Variants in WDFY2 observed in about 807,000 individuals in gnomAD.
WDFY2 encodes WD repeat and FYVE domain-containing protein 2.
In WDFY2, 36 loss-of-function variants were observed where a neutral mutation model predicts 56.4. That is an observed-to-expected ratio of 0.64 (90% CI 0.49 to 0.84). The LOEUF is 0.84. Ranked by LOEUF, WDFY2 falls within the 40% of genes least tolerant of loss-of-function variation. The pLI is 0.00. For synonymous variants in WDFY2, 176 were observed against 183.7 expected (o/e 0.96, Z 0.34); for missense variants, 444 against 512.2 (o/e 0.87, Z 1.29).
chr13:51,692,363 G>T lies in WDFY2; in HGVS notation c.280-11233G>T, dbSNP rs974403570. On this transcript the variant is annotated intron_variant, in intron 3 of 11. Transcript: ENST00000298125. ...GATAGCTCTTATTATTTTGAAATAC[G>T]TCCCATCAATACCTAATTTACTGAG... 8.5e-5 allele frequency among the ~76,000 whole-genome samples: 13 copies of T among 152,108 alleles called. No homozygotes were observed. The East Asian group carries it at 2.5e-3, about 29-fold the overall frequency.
chr13:51,640,071 G>A (rs1339877499), intron 1 of WDFY2, among the ~76,000 whole-genome samples: 1 of 152,116 alleles, frequency 6.6e-6, no homozygotes, highest in East Asian at 1.9e-4. Flanking sequence ...TAGAAGCCCA[G>A]AATTTGTTTG....
intron 6 of WDFY2, among the ~76,000 whole-genome samples, chr13:51,735,417 A>C (rs914653386): frequency 2.0e-5 from 3 of 152,178 alleles, no homozygotes; most frequent in African/African-American, 4.8e-5. Flanking sequence ...ATATGCACAG[A>C]GACTGGAACT....
chr13:51,660,322 G>A (rs192297861), intron 1 of WDFY2, among the ~76,000 whole-genome samples: 2 of 151,108 alleles, frequency 1.3e-5, no homozygotes, highest in Non-Finnish European at 2.9e-5. Context: ...TCAGCCTCCC[G>A]AGTAGATGGG....
At chr13:51,705,101 T>C (rs886272679) in intron 4 of WDFY2, among the ~76,000 whole-genome samples, 1 of 152,208 alleles carries the variant, frequency 6.6e-6, no homozygotes, top group Non-Finnish European at 1.5e-5. Flanking sequence ...AGCTGCCCTG[T>C]GGAGAAGCCC....
chr13:51,589,539 A>G (rs1266957099), intron 1 of WDFY2: 2 of 152,208 alleles, frequency 1.3e-5, no homozygotes, highest in Non-Finnish European at 1.5e-5. Flanking sequence ...CTCTGCTTCA[A>G]CCATTAGTTT....
chr13:51,654,746 A>C (rs1955476448), intron 1 of WDFY2, among the ~76,000 whole-genome samples: 1 of 152,174 alleles, frequency 6.6e-6, no homozygotes, highest in Non-Finnish European at 1.5e-5. Context: ...ATTCCTAACC[A>C]TCCATATGGC....
intron 7 of WDFY2, among the ~76,000 whole-genome samples, chr13:51,749,060 A>G (rs1304773426): frequency 6.6e-6 from 1 of 152,226 alleles, no homozygotes; most frequent in Non-Finnish European, 1.5e-5. Context: ...ATTAAGCCAG[A>G]CATTAGAAAG....
chr13:51,652,177 TTGATC>T (rs1357224593), intron 1 of WDFY2, among the ~76,000 whole-genome samples: 1 of 152,236 alleles, frequency 6.6e-6, no homozygotes, highest in Non-Finnish European at 1.5e-5. Flanking sequence ...TTTGTCTCTT[TTGATC>T]TTTGTTGGTT....
At chr13:51,605,159 G>C (rs972528960) in intron 1 of WDFY2, among the ~76,000 whole-genome samples, 21 of 152,342 alleles carry the variant, frequency 1.4e-4, no homozygotes, top group African/African-American at 5.1e-4. Context: ...AAAGAGATGG[G>C]TGCTCACTGT....
chr13:51,668,072 T>C (rs1300912016), intron 2 of WDFY2, among the ~76,000 whole-genome samples: 1 of 151,846 alleles, frequency 6.6e-6, no homozygotes, highest in Non-Finnish European at 1.5e-5. Context: ...TTTGTATTTT[T>C]AGTAGAGACG....
At chr13:51,695,081 G>T (rs961123370) in intron 3 of WDFY2, among the ~76,000 whole-genome samples, 15 of 151,990 alleles carry the variant, frequency 9.9e-5, no homozygotes, top group African/African-American at 3.4e-4. Flanking sequence ...TTATACATTC[G>T]TCTAAATTTT....
At chr13:51,736,408 T>G (rs923011576) in intron 6 of WDFY2, among the ~76,000 whole-genome samples, 1 of 152,190 alleles carries the variant, frequency 6.6e-6, no homozygotes, top group African/African-American at 2.4e-5. Flanking sequence ...ATATCCAAAC[T>G]TTCTCTTCTA....
At chr13:51,710,820 T>A (rs1228577836) in intron 4 of WDFY2, among the ~76,000 whole-genome samples, 1 of 152,180 alleles carries the variant, frequency 6.6e-6, no homozygotes, top group Non-Finnish European at 1.5e-5. Flanking sequence ...CATTCCATGC[T>A]CATGGGTAGG....
At chr13:51,665,141 A>G (rs1460394739) in intron 2 of WDFY2, among the ~76,000 whole-genome samples, 1 of 152,188 alleles carries the variant, frequency 6.6e-6, no homozygotes, top group Non-Finnish European at 1.5e-5. Context: ...CCTACTCTCT[A>G]TAGAGAATTT....
intron 5 of WDFY2, among the ~76,000 whole-genome samples, chr13:51,726,939 A>G (rs1342884049): frequency 1.3e-5 from 2 of 152,098 alleles, no homozygotes; most frequent in South Asian, 4.1e-4. Context: ...CTTTGCTCAT[A>G]ATATTTGTTG....
chr13:51,719,062 A>C, intron 4 of WDFY2, 136 bp from the exon 5 acceptor site: 2 of 1,227,282 alleles, frequency 1.6e-6, no homozygotes, highest in Non-Finnish European at 2.3e-6. Flanking sequence ...CCACTGTTCT[A>C]CCTTGTCCTT....
chr13:51,600,531 C>T (rs917362973), intron 1 of WDFY2, among the ~76,000 whole-genome samples: 1 of 152,178 alleles, frequency 6.6e-6, no homozygotes, highest in African/African-American at 2.4e-5. Flanking sequence ...CTGAATTTTA[C>T]ATTACAGTCT....
chr13:51,597,897 T>C (rs1300357499), intron 1 of WDFY2, among the ~76,000 whole-genome samples: 2 of 152,206 alleles, frequency 1.3e-5, no homozygotes, highest in Non-Finnish European at 2.9e-5. Flanking sequence ...TACATGTATA[T>C]GCAAAATTCA....
At chr13:51,615,132 A>G (rs964094289) in intron 1 of WDFY2, among the ~76,000 whole-genome samples, 5 of 152,222 alleles carry the variant, frequency 3.3e-5, no homozygotes, top group Admixed American at 6.5e-5. Flanking sequence ...AACCATATTC[A>G]TATGTTGAAA....
Sources: gnomAD v4.1 joint callset for allele counts (sites outside exome capture counted in the v4.1 genomes callset) on GRCh38, gnomAD v4.1.1 for gene constraint, MANE v1.5 for transcripts, NCBI Gene and HGNC (gene_info 2026-07-23, HGNC 2026-07-21) for gene names.